DAB1: variants seen among roughly 807,000 people sequenced by gnomAD.
DAB1 encodes the protein disabled homolog 1.
Under a neutral mutation model 64.6 loss-of-function variants are expected in DAB1, and 15 were observed. The ratio of observed to expected loss-of-function variants is 0.23; its 90% confidence interval spans 0.16 to 0.36. The LOEUF (loss-of-function observed/expected upper bound fraction) is 0.36, where lower values mean the gene tolerates loss of function less well. Ranked by LOEUF, DAB1 falls within the 10% of genes least tolerant of loss-of-function variation. The probability of loss-of-function intolerance (pLI) is 1.00; values close to 1 mark genes in which losing one functional copy is unlikely to be tolerated. For synonymous variants in DAB1, 235 were observed against 251.9 expected, an observed-to-expected ratio of 0.93 and a Z score of 0.64; for missense variants, 596 against 706.7, an observed-to-expected ratio of 0.84 and a Z score of 1.78.
chr1:57,589,384 A>C (rs1014281767), intron 7 of DAB1, among the ~76,000 whole-genome samples: 1 of 152,184 alleles, frequency 6.6e-6, no homozygotes, highest in African/African-American at 2.4e-5. Flanking sequence ...ATAAAGGATA[A>C]TATCTTTGAT....
intron 4 of DAB1, among the ~76,000 whole-genome samples, chr1:58,195,035 C>T (rs1306518413): frequency 6.6e-6 from 1 of 152,110 alleles, no homozygotes; most frequent in Non-Finnish European, 1.5e-5. Flanking sequence ...TTTTGATTCA[C>T]ACTTGAATCT....
At chr1:58,120,036 G>A (rs1167664807) in intron 5 of DAB1, among the ~76,000 whole-genome samples, 1 of 152,086 alleles carries the variant, frequency 6.6e-6, no homozygotes, top group Non-Finnish European at 1.5e-5. Context: ...CCTGATTGCT[G>A]GTCCCAGAGC....
chr1:57,686,797 A>G (rs1312904597), intron 6 of DAB1, among the ~76,000 whole-genome samples: 1 of 152,166 alleles, frequency 6.6e-6, no homozygotes, highest in African/African-American at 2.4e-5. Flanking sequence ...AATTAAAAGT[A>G]AAAATGATCA....
At chr1:57,904,838 A>G (rs539488927) in intron 5 of DAB1, among the ~76,000 whole-genome samples, 2 of 152,280 alleles carry the variant, frequency 1.3e-5, no homozygotes, top group African/African-American at 4.8e-5. Context: ...GGAAATGTAG[A>G]GCCTTTAGCC....
chr1:57,175,743 C>T (rs1471644742), intron 2 of DAB1, among the ~76,000 whole-genome samples: 3 of 152,174 alleles, frequency 2.0e-5, no homozygotes, highest in Non-Finnish European at 2.9e-5. Flanking sequence ...CAGGTGCTTG[C>T]TATCTGCTAA....
intron 7 of DAB1, among the ~76,000 whole-genome samples, chr1:57,639,537 C>A (rs578103415): frequency 6.6e-6 from 1 of 152,112 alleles, no homozygotes; most frequent in East Asian, 1.9e-4. Flanking sequence ...ACTCAGAGGG[C>A]AGTGTGAAGG....
chr1:57,459,738 C>T (rs1227738855), intron 7 of DAB1, among the ~76,000 whole-genome samples: 1 of 152,128 alleles, frequency 6.6e-6, no homozygotes, highest in African/African-American at 2.4e-5. Flanking sequence ...AACTTAGATC[C>T]CCTTGACTAC....
intron 7 of DAB1, among the ~76,000 whole-genome samples, chr1:57,510,145 T>C (rs969469123): frequency 3.9e-5 from 6 of 151,984 alleles, no homozygotes; most frequent in African/African-American, 1.4e-4. Flanking sequence ...ACAACTGCAG[T>C]TCCCTTCCAC....
At chr1:57,624,404 T>C (rs1325320407) in intron 7 of DAB1, among the ~76,000 whole-genome samples, 2 of 152,068 alleles carry the variant, frequency 1.3e-5, no homozygotes, top group Non-Finnish European at 1.5e-5. Flanking sequence ...ATGGAAACGA[T>C]GAAAGGAACA....
intron 9 of DAB1, among the ~76,000 whole-genome samples, chr1:57,052,147 C>CG (rs1321519470): frequency 4.1e-5 from 1 of 24,202 alleles, no homozygotes; most frequent in African/African-American, 1.4e-4. Context: ...GGCGGGGGGG[C>CG]GGGGGGAAGC....
At chr1:58,027,312 T>C (rs1018645335) in intron 5 of DAB1, among the ~76,000 whole-genome samples, 1 of 152,100 alleles carries the variant, frequency 6.6e-6, no homozygotes, top group Non-Finnish European at 1.5e-5. Context: ...AAGGGATCTC[T>C]TGCCTCAGCC....
rs151076449 is a variant in DAB1, at chr1:57,510,631, C to A, written n.625+138961G>T. 2.1e-3 allele frequency among the ~76,000 whole-genome samples: 322 copies of A among 152,308 alleles called. 3 individuals carry two copies. Among genetic ancestry groups the A allele is most frequent in the Middle Eastern group, 0.014 (4 of 294 alleles). On this transcript the variant is annotated intron_variant and non_coding_transcript_variant, in intron 7 of 20. Transcript: ENST00000485760. ...CCCACCCACACCAGTTCCTCTCCCACTCTTTCTCATCTCCATAAATAGCAT... is the reference window on the plus strand; with the variant it reads ...CCCACCCACACCAGTTCCTCTCCCAATCTTTCTCATCTCCATAAATAGCAT...
In DAB1 at chr1:58,431,635, A is replaced by T. The variant is rs1644875221; in HGVS notation, n.257+74425T>A. Among the ~76,000 whole-genome samples, 3 of 152,094 alleles carry T rather than the reference A, an allele frequency of 2.0e-5. No individual in the cohort carries two copies. The South Asian group carries it at 6.2e-4, about 32-fold the overall frequency. On this transcript the variant is annotated intron_variant and non_coding_transcript_variant, in intron 3 of 20. Transcript: ENST00000485760. ...TGACAAAAATATATATTTTACACAG[A>T]TATTTACAAATATCTAGATTTACGA...
rs76282492 is a variant in DAB1 at position 58,137,916 on chromosome 1, G to A, written n.387+12595C>T. On this transcript the variant is annotated intron_variant and non_coding_transcript_variant, in intron 5 of 20. Transcript: ENST00000485760. ...AAAGGCATTCTGGTGCTGAGTTTACGGCACATGCATGCATTTGAGCCAGGG... is the reference window on the plus strand; with the variant it reads ...AAAGGCATTCTGGTGCTGAGTTTACAGCACATGCATGCATTTGAGCCAGGG... Among the ~76,000 whole-genome samples the A allele has an allele frequency of 9.6e-3, 1,462 of 152,200 alleles. 23 individuals carry two copies. Among genetic ancestry groups the A allele is most frequent in the African/African-American group, 0.033 (1,383 of 41,504 alleles).
At chr1:57,990,045 A>G (rs1646307842) in intron 5 of DAB1, among the ~76,000 whole-genome samples, 1 of 152,088 alleles carries the variant, frequency 6.6e-6, no homozygotes, top group Non-Finnish European at 1.5e-5. Context: ...AGCCAAGCCA[A>G]GCTGCAAGGC....
intron 3 of DAB1, among the ~76,000 whole-genome samples, chr1:58,344,405 T>C (rs750655146): frequency 6.6e-6 from 1 of 152,174 alleles, no homozygotes; most frequent in African/African-American, 2.4e-5. Flanking sequence ...GCCAGGGACA[T>C]AATTGGTATA....
At chr1:57,278,887 T>C (rs1237904673) in intron 2 of DAB1, among the ~76,000 whole-genome samples, 1 of 152,196 alleles carries the variant, frequency 6.6e-6, no homozygotes, top group African/African-American at 2.4e-5. Context: ...CTGAGATTTT[T>C]AAAAAGCAGC....
intron 6 of DAB1, among the ~76,000 whole-genome samples, chr1:57,665,825 T>C (rs1646439706): frequency 6.6e-6 from 1 of 150,612 alleles, no homozygotes; most frequent in African/African-American, 2.4e-5. Flanking sequence ...TGGTTTTTTT[T>C]TTCTTCCCTT....
At chr1:58,339,455 C>T (rs1045399997) in intron 4 of DAB1, among the ~76,000 whole-genome samples, 1 of 151,970 alleles carries the variant, frequency 6.6e-6, no homozygotes, top group Non-Finnish European at 1.5e-5. Context: ...TATTATGTTA[C>T]AAGGTGATAA....
Sources: allele counts gnomAD v4.1 joint callset (sites outside exome capture counted in the v4.1 genomes callset), GRCh38; gene constraint gnomAD v4.1.1; transcripts MANE v1.5; gene names NCBI Gene and HGNC (gene_info 2026-07-23, HGNC 2026-07-21).